CTNND2: variants seen among roughly 807,000 people sequenced by gnomAD.
CTNND2 encodes catenin delta-2.
In CTNND2, 22 loss-of-function variants were observed where a neutral mutation model predicts 144.4. The ratio of observed to expected loss-of-function variants is 0.15; its 90% confidence interval spans 0.11 to 0.22. The LOEUF is 0.22. Among genes scored for constraint, CTNND2 ranks in the 10% least tolerant of loss-of-function variants. The probability of loss-of-function intolerance (pLI) is 1.00; values close to 1 mark genes in which losing one functional copy is unlikely to be tolerated. For missense variants in CTNND2, 1,353 were observed against 1,618.8 expected (o/e 0.84, Z 2.82); for synonymous variants, 751 against 695.6 (o/e 1.08, Z -1.25).
rs1333780598 is a variant in CTNND2, at chr5:10,997,359, C to T, written c.3085-4682G>A. 3.9e-5 allele frequency among the ~76,000 whole-genome samples: 6 copies of T among 152,026 alleles called. No homozygotes were observed. In the East Asian group the frequency reaches 1.2e-3, roughly 29 times the overall value. ...CTGTAATCCCAGCACTTTGGGAGGC[C>T]GAGGCGGGCAGATCACGAGGTCAAG... On this transcript the variant is annotated intron_variant, in intron 18 of 21. Coordinates refer to ENST00000304623, the MANE Select transcript of CTNND2 (RefSeq NM_001332.4).
Position 10,981,821 on chromosome 5 carries a change from C to T in CTNND2, c.3369G>A (p.Leu1123=), listed in dbSNP as rs768396526. The change falls in exon 21 of 22, where the codon TTG becomes TTA. Residue 1123 remains leucine, a synonymous_variant. Transcript: ENST00000304623. ...CGGGCGCACCATAAGAATTCCTATA[C>T]AAAGTTGAAATTCCAGTGTTTTGAG... is the stretch of plus-strand genomic sequence containing the variant. The part of the protein sequence containing the change: ...MTAQNTGIST[L]YRNSYGAPAE... 1.2e-6 allele frequency: 2 copies of T among 1,613,866 alleles called. No individual in the cohort carries two copies. The highest frequency in any genetic ancestry group is 1.7e-5 in the Admixed American group (1 of 59,994).
Position 11,616,804 on chromosome 5 carries a change from G to A in CTNND2, c.175-51748C>T, listed in dbSNP as rs2561630. Among the ~76,000 whole-genome samples the A allele has an allele frequency of 4.6e-4, 70 of 151,950 alleles. 1 individual carries two copies. Among genetic ancestry groups the A allele is most frequent in the Non-Finnish European group, 6.0e-4 (41 of 67,986 alleles). On this transcript the variant is annotated intron_variant, in intron 2 of 21. Transcript: ENST00000304623. ...GTATTTTTAGCAGAGACAGCGTTTC[G>A]CCATGTCAGCCAGTCTTGTCTCAAA...
At chr5:11,877,832 G>A (rs1390859689) in intron 1 of CTNND2, among the ~76,000 whole-genome samples, 1 of 152,022 alleles carries the variant, frequency 6.6e-6, no homozygotes, top group African/African-American at 2.4e-5. Context: ...TTTCATTTGG[G>A]AAGAAGTGCT....
At chr5:11,880,932 T>C (rs1301380873) in intron 1 of CTNND2, among the ~76,000 whole-genome samples, 1 of 147,422 alleles carries the variant, frequency 6.8e-6, no homozygotes, top group Non-Finnish European at 1.5e-5. Flanking sequence ...CTACCACTAC[T>C]ACTGCTACTA....
At chr5:11,564,716 G>A (rs750176331) in intron 3 of CTNND2, among the ~76,000 whole-genome samples, 8 of 152,090 alleles carry the variant, frequency 5.3e-5, no homozygotes, top group East Asian at 3.9e-4. Context: ...GTAAAATTAC[G>A]TATAATTTGC....
chr5:11,683,516 T>C (rs1042563767), intron 2 of CTNND2, among the ~76,000 whole-genome samples: 11 of 152,186 alleles, frequency 7.2e-5, no homozygotes, highest in African/African-American at 2.7e-4. Flanking sequence ...TTTTAAACAA[T>C]CCATAGCACA....
intron 3 of CTNND2, among the ~76,000 whole-genome samples, chr5:11,465,246 C>A (rs1379865478): frequency 1.3e-5 from 2 of 151,800 alleles, no homozygotes; most frequent in Non-Finnish European, 2.9e-5. Context: ...CAGTCTTTTA[C>A]TATGCATACC....
intron 2 of CTNND2, among the ~76,000 whole-genome samples, chr5:11,577,022 C>G (rs563296306): frequency 6.6e-6 from 1 of 152,116 alleles, no homozygotes; most frequent in African/African-American, 2.4e-5. Context: ...ATGCCGAGAG[C>G]GTGCCATCTT....
intron 3 of CTNND2, among the ~76,000 whole-genome samples, chr5:11,485,085 A>G (rs938069645): frequency 2.0e-5 from 3 of 152,252 alleles, no homozygotes; most frequent in Non-Finnish European, 4.4e-5. Flanking sequence ...CTGAAAATCA[A>G]TAGCTTTTCT....
At chr5:11,771,191 G>GTTTTT (rs1561782425) in intron 1 of CTNND2, among the ~76,000 whole-genome samples, 1 of 18,004 alleles carries the variant, frequency 5.6e-5, no homozygotes, top group Admixed American at 1.0e-3. Flanking sequence ...CACATTGTTA[G>GTTTTT]CTTTTTTTTT....
At chr5:10,984,082 C>A (rs1347406205) in intron 20 of CTNND2, among the ~76,000 whole-genome samples, 1 of 152,188 alleles carries the variant, frequency 6.6e-6, no homozygotes, top group Non-Finnish European at 1.5e-5. Context: ...CATCTCATTA[C>A]CCTGATCAGT....
chr5:11,455,004 C>A (rs1234504837), intron 3 of CTNND2, among the ~76,000 whole-genome samples: 1 of 149,670 alleles, frequency 6.7e-6, no homozygotes, highest in Admixed American at 6.6e-5. Context: ...AATAATTTAA[C>A]TCTTTTTTTT....
At chr5:11,661,031 G>T (rs1783175500) in intron 2 of CTNND2, among the ~76,000 whole-genome samples, 1 of 152,072 alleles carries the variant, frequency 6.6e-6, no homozygotes, top group African/African-American at 2.4e-5. Context: ...AAAAAACAAT[G>T]ATAATACTTG....
At chr5:11,390,762 T>C (rs1759560079) in intron 6 of CTNND2, among the ~76,000 whole-genome samples, 1 of 152,218 alleles carries the variant, frequency 6.6e-6, no homozygotes, top group Non-Finnish European at 1.5e-5. Flanking sequence ...GAGTCCAGCT[T>C]AACGGGATCA....
At chr5:11,724,187 T>A (rs1786871931) in intron 2 of CTNND2, among the ~76,000 whole-genome samples, 1 of 152,216 alleles carries the variant, frequency 6.6e-6, no homozygotes, top group Admixed American at 6.5e-5. Flanking sequence ...GTTTTCAATG[T>A]CAGTAAACAA....
intron 2 of CTNND2, among the ~76,000 whole-genome samples, chr5:11,731,352 T>C (rs1276247121): frequency 6.6e-6 from 1 of 152,222 alleles, no homozygotes; most frequent in Non-Finnish European, 1.5e-5. Flanking sequence ...AGGCTCTCGC[T>C]CTGCTGAGAT....
At chr5:11,112,061 G>C (rs1371232651) in intron 13 of CTNND2, among the ~76,000 whole-genome samples, 1 of 152,090 alleles carries the variant, frequency 6.6e-6, no homozygotes, top group African/African-American at 2.4e-5. Flanking sequence ...GTGTTAGCCA[G>C]GATGGTCTCG....
chr5:11,284,445 G>A (rs1747514596), intron 9 of CTNND2, among the ~76,000 whole-genome samples: 2 of 152,070 alleles, frequency 1.3e-5, no homozygotes. Context: ...CCCAGTGTGT[G>A]TTGTTCCCCT....
intron 18 of CTNND2, among the ~76,000 whole-genome samples, chr5:10,996,306 T>C (rs775409579): frequency 3.3e-5 from 5 of 152,094 alleles, no homozygotes; most frequent in Non-Finnish European, 7.4e-5. Flanking sequence ...ATCAGGGTAC[T>C]GGTGGGCTTA....
Sources: allele counts gnomAD v4.1 joint callset (sites outside exome capture counted in the v4.1 genomes callset), GRCh38; gene constraint gnomAD v4.1.1; transcripts MANE v1.5; gene names NCBI Gene and HGNC (gene_info 2026-07-23, HGNC 2026-07-21).